The following SPG7 variants were observed in gnomAD, a reference collection of about 807,000 sequenced individuals.
The protein encoded by SPG7 is mitochondrial inner membrane m-AAA protease component paraplegin.
In SPG7, 103 loss-of-function variants were observed where a neutral mutation model predicts 81.9. The observed-to-expected ratio is 1.26, with a 90% confidence interval of 1.07 to 1.48. SPG7 has a LOEUF of 1.48. Among genes scored for constraint, SPG7 ranks in the 40% most tolerant of loss-of-function variants. The pLI, the probability that SPG7 is intolerant of heterozygous loss-of-function variation, is 0.00. For missense variants in SPG7, 1,241 were observed against 1,087.3 expected (o/e 1.14, Z -1.99); for synonymous variants, 534 against 444.2 (o/e 1.20, Z -2.54).
intron 16 of SPG7, chr16:89,555,797 GCT>G: frequency 2.5e-6 from 1 of 398,414 alleles, no homozygotes; most frequent in Non-Finnish European, 4.4e-6. Flanking sequence ...GAGGTGCACG[GCT>G]CTTTGTCCCA....
chr16:89,556,219 A>C (rs542776313), intron 16 of SPG7: 97 of 399,376 alleles, frequency 2.4e-4, no homozygotes, highest in African/African-American at 1.9e-3. Context: ...TGTCTCTTGC[A>C]ATACAGCCAC....
At chr16:89,546,516 A>G in intron 10 of SPG7, 142 bp from the exon 11 acceptor site, 1 of 746,194 alleles carries the variant, frequency 1.3e-6, no homozygotes. Context: ...CGTCTCTACT[A>G]AAAATACAAA....
intron 10 of SPG7, 182 bp from the exon 11 acceptor site, chr16:89,546,476 G>A (rs1355268692): frequency 8.2e-6 from 5 of 610,480 alleles, no homozygotes; most frequent in East Asian, 3.1e-5. Context: ...CCAGGAGTTC[G>A]AGACCAGCCT....
chr16:89,523,930 C>T, intron 3 of SPG7, 76 bp from the exon 4 acceptor site: 2 of 1,585,910 alleles, frequency 1.3e-6, no homozygotes, highest in Non-Finnish European at 1.7e-6. Context: ...CTGAGCTTTC[C>T]TGAGGAAGCT....
chr16:89,545,931 C>T (rs768051145), intron 10 of SPG7: 11 of 452,224 alleles, frequency 2.4e-5, no homozygotes, highest in Admixed American at 9.5e-5. Context: ...CCACTCACTG[C>T]GGCCTCAACC....
chr16:89,508,423 C>G lies in SPG7; in HGVS notation c.6C>G (p.Ala2=). ...GGCGCGGCTTTCAGGCCAACATGGC[C>G]GTGCTGCTGCTGCTGCTCCGTGCCC... M[A]VLLLLLRALR... The change falls in exon 1 of 17, where the codon GCC becomes GCG. Residue 2 remains alanine, a synonymous_variant. Transcript: ENST00000645818. 3 of 1,490,426 alleles carry G rather than the reference C, an allele frequency of 2.0e-6. 1 individual carries two copies. The highest frequency in any genetic ancestry group is 5.6e-5 in the East Asian group (2 of 35,442). 92.3% of individuals were successfully genotyped at this position (1,490,426 alleles called of 1,614,324 possible).
chr16:89,510,682 C>G lies in SPG7; in HGVS notation c.286+90C>G, dbSNP rs563105084. 1.2e-5 allele frequency: 10 copies of G among 808,334 alleles called. No individual in the cohort carries two copies. In the East Asian group the frequency reaches 1.3e-4, roughly 10 times the overall value. 50.1% of individuals were successfully genotyped at this position (808,334 alleles called of 1,614,324 possible). A position where few individuals can be genotyped will look rare whatever the true frequency, so the allele number is the denominator to read the frequency against. On this transcript the variant is annotated intron_variant, in intron 2 of 16. Transcript: ENST00000645818. Reference sequence around the variant, plus strand: ...GGCTGATCTTTTTTTATTTTAGAGACGGGATCTCGCCCTGTTGCACGGGCT... The same window carrying G: ...GGCTGATCTTTTTTTATTTTAGAGAGGGGATCTCGCCCTGTTGCACGGGCT...
intron 7 of SPG7, chr16:89,531,401 T>C: frequency 5.6e-6 from 1 of 179,060 alleles, no homozygotes; most frequent in East Asian, 1.4e-4. Context: ...CGAGACAGAG[T>C]CTCACTTTGT....
rs61747711 is a variant in SPG7, at chr16:89,556,997, C to T, written c.2292C>T (p.Ile764=). The part of the protein sequence containing the change: ...PKKMIAPQRW[I]DAQREKQDLG... ...AAATGATCGCACCGCAGAGGTGGAT[C>T]GACGCCCAGAGGGAGAAACAGGACT... The change falls in exon 17 of 17, where the codon ATC becomes ATT. Residue 764 remains isoleucine (I), a synonymous_variant. Transcript: ENST00000645818. 59,447 of 1,613,830 alleles carry T rather than the reference C, an allele frequency of 0.037. 1,277 individuals are homozygous for T. Among genetic ancestry groups the T allele is most frequent in the Non-Finnish European group, 0.043 (50,918 of 1,179,948 alleles).
At position 89,548,072 on chromosome 16, in the gene SPG7, A is replaced by G; in HGVS notation, c.1622A>G (p.His541Arg). The G allele has an allele frequency of 6.2e-7, 1 of 1,610,324 alleles. No homozygotes were observed. The highest frequency in any genetic ancestry group is 8.5e-7 in the Non-Finnish European group (1 of 1,179,970). Residue 541 changes from histidine (H) to arginine (R), a missense_variant, in exon 12 of 17, where the codon CAC becomes CGC. Transcript: ENST00000645818. The stretch of plus-strand genomic sequence containing the variant: ...GCGCGGGAGGGACACACTTCCGTGC[A>G]CACTCTCAACTTCGAGTACGCCGTG... ...HAAREGHTSVHTLNFEYAVER... is the reference protein window; with the variant it reads ...HAAREGHTSVRTLNFEYAVER...
At chr16:89,518,858 GA>G (rs147659020) in intron 3 of SPG7, 72 of 152,396 alleles carry the variant, frequency 4.7e-4, no homozygotes, top group African/African-American at 1.6e-3. Context: ...TGTGTCATGG[GA>G]TGACCCCGGG....
chr16:89,550,239 CT>C, intron 12 of SPG7: 1 of 432,798 alleles, frequency 2.3e-6, no homozygotes, highest in South Asian at 2.0e-5. Flanking sequence ...GTGGCATGAT[CT>C]TGCCCTACTG....
chr16:89,528,118 C>T (rs1376578675), intron 5 of SPG7, among the ~76,000 whole-genome samples: 2 of 148,928 alleles, frequency 1.3e-5, no homozygotes, highest in African/African-American at 2.5e-5. Flanking sequence ...GGGCCGGGCG[C>T]GGTGGCTCAC....
intron 16 of SPG7, 33 bp downstream of exon 16, chr16:89,554,596 G>A (rs371464743): frequency 2.4e-5 from 35 of 1,472,408 alleles, no homozygotes; most frequent in East Asian, 1.1e-4. Context: ...GGGCTACGGC[G>A]TCACACAGTG....
rs1238669262 is a variant in SPG7 at position 89,536,488 on chromosome 16, A to G, written c.1324+3852A>G. Among the ~76,000 whole-genome samples the G allele has an allele frequency of 0.055, 2,219 of 40,490 alleles. 350 individuals carry two copies. The highest frequency in any genetic ancestry group is 0.13 in the East Asian group (79 of 606). The allele number at this position is 40,490 out of a possible 152,430, so 26.6% of individuals were successfully genotyped here. On this transcript the variant is annotated intron_variant, in intron 9 of 16. Coordinates refer to ENST00000645818, the MANE Select transcript of SPG7 (RefSeq NM_003119.4). ...TGAGGCGGGTGAGGCGGGTGAGGTCAGGTGAGGCAGGTGAGGTGAGGCGGG... is the reference window on the plus strand; with the variant it reads ...TGAGGCGGGTGAGGCGGGTGAGGTCGGGTGAGGCAGGTGAGGTGAGGCGGG...
At chr16:89,511,521 G>A (rs1347003765) in intron 2 of SPG7, among the ~76,000 whole-genome samples, 1 of 152,192 alleles carries the variant, frequency 6.6e-6, no homozygotes, top group Non-Finnish European at 1.5e-5. Context: ...CCCACTGGCC[G>A]TGCATCAGCA....
chr16:89,537,912 T>C (rs1438811918), intron 9 of SPG7: 2 of 348,876 alleles, frequency 5.7e-6, no homozygotes, highest in Admixed American at 6.5e-5. Flanking sequence ...GCCTGCCAGG[T>C]GGGTAGATGG....
chr16:89,529,495 G>T lies in SPG7; in HGVS notation c.777G>T (p.Gly259=). ...CCGGCAGTGCCCTGTACTCTGTGGG[G>T]ATGACGGCAGTGGGCCTGGCCATCC... is the stretch of plus-strand genomic sequence containing the variant. The part of the protein sequence containing the change: ...GFFGNALYSV[G]MTAVGLAILW... Residue 259 remains glycine (G), a synonymous_variant, in exon 6 of 17, where the codon GGG becomes GGT. Coordinates refer to ENST00000645818, the MANE Select transcript of SPG7 (RefSeq NM_003119.4). 3.7e-6 allele frequency: 6 copies of T among 1,613,556 alleles called. No individual in the cohort carries two copies. Among genetic ancestry groups the T allele is most frequent in the Non-Finnish European group, 5.1e-6 (6 of 1,179,666 alleles).
At chr16:89,554,976 C>T (rs1289976006) in intron 16 of SPG7, 3 of 219,226 alleles carry the variant, frequency 1.4e-5, no homozygotes, top group African/African-American at 2.4e-5. Flanking sequence ...AGTGCGATGG[C>T]GACATCTTGG....
Sources: allele counts gnomAD v4.1 joint callset (sites outside exome capture counted in the v4.1 genomes callset), GRCh38; gene constraint gnomAD v4.1.1; transcripts MANE v1.5; gene names NCBI Gene and HGNC (gene_info 2026-07-23, HGNC 2026-07-21).